The following DOCK8 variants were observed in gnomAD, a reference collection of about 807,000 sequenced individuals.
DOCK8 encodes the protein dedicator of cytokinesis 8.
In DOCK8, 141 loss-of-function variants were observed where a neutral mutation model predicts 245.6. The observed-to-expected ratio is 0.57, with a 90% CI of 0.50 to 0.66. The LOEUF is 0.66. Among genes scored for constraint, DOCK8 ranks in the 30% least tolerant of loss-of-function variants. The pLI is 0.00. For synonymous variants in DOCK8, 1,168 were observed against 970.2 expected (o/e 1.20, Z -3.79); for missense variants, 2,965 against 2,603.4 (o/e 1.14, Z -3.02).
chr9:359,801 T>C (rs1270207019), intron 14 of DOCK8, among the ~76,000 whole-genome samples: 1 of 103,916 alleles, frequency 9.6e-6, no homozygotes. Flanking sequence ...GCTCTGTCTT[T>C]GCAAAAAAAA....
At position 399,205 on chromosome 9, in the gene DOCK8, C is replaced by G. The variant is rs371145573; in HGVS notation, c.3180C>G (p.Leu1060=). ...TGGCTTTCTTCTTGTATGACCTTCT[C>G]TCCCTCATGGATCGGGGCTTTGTGT... ...ISLAFFLYDL[L]SLMDRGFVFN... The change falls in exon 26 of 48, where the codon CTC becomes CTG. Residue 1060 remains leucine (L), a synonymous_variant. Coordinates refer to ENST00000432829, the MANE Select transcript of DOCK8 (RefSeq NM_203447.4). The G allele has an allele frequency of 6.8e-5, 110 of 1,613,966 alleles. No homozygotes were observed. Among genetic ancestry groups the G allele is most frequent in the Non-Finnish European group, 8.8e-5 (104 of 1,180,014 alleles).
chr9:417,394 G>A lies in DOCK8; in HGVS notation c.3701-674G>A, dbSNP rs190751585. Among the ~76,000 whole-genome samples, 14 of 152,346 alleles carry A rather than the reference G, an allele frequency of 9.2e-5. No individual in the cohort carries two copies. The East Asian group carries it at 2.1e-3, about 23-fold the overall frequency. On this transcript the variant is annotated intron_variant, in intron 29 of 47. Transcript: ENST00000432829. The stretch of plus-strand genomic sequence containing the variant: ...TAAATAATTGAAGGCCCAGATGGCT[G>A]TAATGTCAACAGGTCTAGAAAAACA...
rs763991616 is a variant in DOCK8 at position 334,432 on chromosome 9, C to A, written c.1285+48C>A. ...GAAAGGGAGGGCTCCCCAGTGTGCGCTGCCCAGGTCCACAGCTTACTAGCG... is the reference window on the plus strand; with the variant it reads ...GAAAGGGAGGGCTCCCCAGTGTGCGATGCCCAGGTCCACAGCTTACTAGCG... On this transcript the variant is annotated intron_variant, in intron 11 of 47. Transcript: ENST00000432829. The A allele has an allele frequency of 2.5e-6, 4 of 1,592,364 alleles. No individual in the cohort carries two copies. The African/African-American group carries it at 4.0e-5, about 16-fold the overall frequency.
At chr9:441,165 A>G in intron 40 of DOCK8, 121 bp from the exon 41 acceptor site, 3 of 1,463,828 alleles carry the variant, frequency 2.0e-6, no homozygotes, top group Non-Finnish European at 2.8e-6. Context: ...TGCCCTGTGA[A>G]ATACTGTGAT....
In DOCK8 at chr9:271,552, T is replaced by C. The variant is rs560664254; in HGVS notation, c.54-75T>C. On this transcript the variant is annotated intron_variant, in intron 1 of 47. Coordinates refer to ENST00000432829, the MANE Select transcript of DOCK8 (RefSeq NM_203447.4). The stretch of plus-strand genomic sequence containing the variant: ...AAGGCCTACGTTTTATAACATGATA[T>C]CAAAGATTGCATCTAAAATTGTGAT... 3.4e-6 allele frequency: 4 copies of C among 1,177,920 alleles called. No homozygotes were observed. In the East Asian group the frequency reaches 7.7e-5, roughly 23 times the overall value. 73.0% of individuals were successfully genotyped at this position (1,177,920 alleles called of 1,614,324 possible). A position where few individuals can be genotyped will look rare whatever the true frequency, so the allele number is the denominator to read the frequency against.
chr9:411,615 CCTATA>C (rs1049239783), intron 28 of DOCK8, among the ~76,000 whole-genome samples: 3 of 151,914 alleles, frequency 2.0e-5, no homozygotes, highest in Non-Finnish European at 4.4e-5. Flanking sequence ...CTAGCATTAC[CCTATA>C]CTAAACCAGA....
intron 29 of DOCK8, among the ~76,000 whole-genome samples, chr9:417,245 T>A: frequency 6.6e-6 from 1 of 152,234 alleles, no homozygotes; most frequent in East Asian, 1.9e-4. Flanking sequence ...ATGGCGCCAC[T>A]GCACTCCAGC....
chr9:261,757 A>G (rs985946524), intron 1 of DOCK8, among the ~76,000 whole-genome samples: 3 of 152,062 alleles, frequency 2.0e-5, no homozygotes, highest in African/African-American at 7.2e-5. Flanking sequence ...CTTGCTTTAT[A>G]TATTTTGAGC....
At chr9:396,654 A>G in intron 24 of DOCK8, 131 bp from the exon 25 acceptor site, 1 of 1,283,172 alleles carries the variant, frequency 7.8e-7, no homozygotes, top group Non-Finnish European at 1.1e-6. Flanking sequence ...TTGCTCGGGC[A>G]CCACCAGCAC....
chr9:421,977 T>G (rs2056297232), intron 32 of DOCK8, 71 bp from the exon 33 acceptor site: 7 of 1,332,040 alleles, frequency 5.3e-6, no homozygotes, highest in Non-Finnish European at 7.6e-6. Context: ...GTTGAGCTTG[T>G]TATGAACTTC....
intron 1 of DOCK8, among the ~76,000 whole-genome samples, chr9:231,171 T>C (rs1178219436): frequency 2.3e-5 from 3 of 131,714 alleles, no homozygotes; most frequent in African/African-American, 5.9e-5. Flanking sequence ...CCTTTCCCCA[T>C]TGCTTGTTTT....
chr9:441,759 A>G, intron 41 of DOCK8, 116 bp from the exon 42 acceptor site: 2 of 1,333,918 alleles, frequency 1.5e-6, no homozygotes, highest in Non-Finnish European at 2.1e-6. Context: ...TTCTGTTTAC[A>G]TCAGCCATAG....
intron 1 of DOCK8, among the ~76,000 whole-genome samples, chr9:265,084 A>G (rs2048006299): frequency 6.6e-6 from 1 of 152,164 alleles, no homozygotes; most frequent in African/African-American, 2.4e-5. Context: ...TGCACCTGCC[A>G]CCAAGCCAGG....
At chr9:239,589 C>G (rs2131406611) in intron 1 of DOCK8, among the ~76,000 whole-genome samples, 1 of 152,286 alleles carries the variant, frequency 6.6e-6, no homozygotes, top group East Asian at 1.9e-4. Context: ...AACAAGTTTC[C>G]TATTCTTTTC....
intron 11 of DOCK8, among the ~76,000 whole-genome samples, chr9:335,807 G>A (rs2051281461): frequency 1.3e-5 from 2 of 152,146 alleles, no homozygotes; most frequent in African/African-American, 4.8e-5. Context: ...GCAAGTTTAG[G>A]TGGGTAGAGG....
intron 1 of DOCK8, among the ~76,000 whole-genome samples, chr9:219,704 C>T (rs1022845466): frequency 6.6e-6 from 1 of 152,108 alleles, no homozygotes; most frequent in Non-Finnish European, 1.5e-5. Flanking sequence ...CGAGACCAGC[C>T]TGGGCAACAT....
At chr9:458,784 C>G (rs1418142815) in intron 46 of DOCK8, among the ~76,000 whole-genome samples, 1 of 152,260 alleles carries the variant, frequency 6.6e-6, no homozygotes, top group East Asian at 1.9e-4. Context: ...GCCTTCCACC[C>G]TGCATGACAG....
chr9:295,306 A>C (rs1355494651), intron 4 of DOCK8, among the ~76,000 whole-genome samples: 5 of 152,154 alleles, frequency 3.3e-5, no homozygotes, highest in Non-Finnish European at 5.9e-5. Context: ...GCTGACTACA[A>C]AAGGACACGG....
upstream of DOCK8, chr9:214,715 G>C (rs1351858979): frequency 6.5e-7 from 1 of 1,545,202 alleles, no homozygotes; most frequent in East Asian, 2.5e-5. Flanking sequence ...CGGGAGGCCA[G>C]TTCCGCGCTG....
Sources: gnomAD v4.1 joint callset for allele counts (sites outside exome capture counted in the v4.1 genomes callset) on GRCh38, gnomAD v4.1.1 for gene constraint, MANE v1.5 for transcripts, NCBI Gene and HGNC (gene_info 2026-07-23, HGNC 2026-07-21) for gene names.